ATAD2B: variants seen among roughly 807,000 people sequenced by gnomAD.
ATAD2B encodes ATPase family AAA domain containing 2B.
ATAD2B carries 40 observed loss-of-function variants against 167.6 expected under a neutral mutation model. That is an observed-to-expected ratio of 0.24 (90% CI 0.19 to 0.31). The LOEUF (loss-of-function observed/expected upper bound fraction) is 0.31. Among genes scored for constraint, ATAD2B ranks in the 10% least tolerant of loss-of-function variants. The pLI, the probability that ATAD2B is intolerant of heterozygous loss-of-function variation, is 1.00. For synonymous variants in ATAD2B, 579 were observed against 596.5 expected (o/e 0.97, Z 0.43); for missense variants, 1,242 against 1,757.2 (o/e 0.71, Z 5.24).
intron 27 of ATAD2B, 91 bp downstream of exon 27, chr2:23,754,088 T>G (rs559387928): frequency 1.9e-6 from 2 of 1,054,726 alleles, no homozygotes; most frequent in African/African-American, 1.7e-5. Context: ...GTAAAAGACA[T>G]AGATGTAGGC....
chr2:23,910,577 G>A (rs1015448784), intron 1 of ATAD2B, among the ~76,000 whole-genome samples: 8 of 151,826 alleles, frequency 5.3e-5, no homozygotes, highest in Non-Finnish European at 1.0e-4. Context: ...TTTTAAAAGA[G>A]ATGGTGTCAG....
At chr2:23,850,903 C>T (rs1692465813) in intron 13 of ATAD2B, among the ~76,000 whole-genome samples, 1 of 152,118 alleles carries the variant, frequency 6.6e-6, no homozygotes, top group African/African-American at 2.4e-5. Context: ...AGAGGTGGAA[C>T]CTTTGGGAGG....
intron 13 of ATAD2B, 129 bp from the exon 14 acceptor site, chr2:23,834,207 G>C: frequency 5.1e-6 from 3 of 584,390 alleles, no homozygotes; most frequent in Non-Finnish European, 7.8e-6. Flanking sequence ...CGTTGCCCAG[G>C]CTGGAGGGCA....
chr2:23,810,281 A>T, intron 18 of ATAD2B, 35 bp downstream of exon 18: 2 of 1,552,634 alleles, frequency 1.3e-6, no homozygotes, highest in Non-Finnish European at 8.8e-7. Flanking sequence ...AAGCAATAAG[A>T]AAGTTGGAAG....
intron 12 of ATAD2B, among the ~76,000 whole-genome samples, chr2:23,862,491 G>T (rs181399910): frequency 1.4e-5 from 2 of 143,264 alleles, no homozygotes; most frequent in East Asian, 4.2e-4. Flanking sequence ...GCTCACTGCA[G>T]CCTTGAACTC....
chr2:23,728,055 C>T, the ATAD2B span, among the ~76,000 whole-genome samples: 2 of 152,000 alleles, frequency 1.3e-5, no homozygotes, highest in South Asian at 4.2e-4. Flanking sequence ...AAACTGTGGG[C>T]CTTAGTTAAT....
the ATAD2B span, among the ~76,000 whole-genome samples, chr2:23,735,112 A>G: frequency 6.6e-6 from 1 of 152,198 alleles, no homozygotes; most frequent in Admixed American, 6.5e-5. Flanking sequence ...TAAAGTACAA[A>G]TATCTTTACA....
chr2:23,716,438 ATTGTTGTTG>A, the ATAD2B span, among the ~76,000 whole-genome samples: 14 of 150,194 alleles, frequency 9.3e-5, no homozygotes, highest in Non-Finnish European at 1.5e-4. Context: ...GGGACCTTTC[ATTGTTGTTG>A]TTGTTGTTGT....
chr2:23,883,012 G>A (rs1189633335), intron 6 of ATAD2B, among the ~76,000 whole-genome samples: 8 of 152,058 alleles, frequency 5.3e-5, no homozygotes, highest in South Asian at 2.1e-4. Flanking sequence ...GGTGGCTTAC[G>A]CCTATAAACC....
chr2:23,821,783 G>C (rs954135942), intron 16 of ATAD2B, among the ~76,000 whole-genome samples: 3 of 152,014 alleles, frequency 2.0e-5, no homozygotes, highest in Admixed American at 6.6e-5. Flanking sequence ...TGTTTTTCCT[G>C]TAAATGAGTG....
chr2:23,682,939 A>AC, the ATAD2B span, among the ~76,000 whole-genome samples: 1 of 152,106 alleles, frequency 6.6e-6, no homozygotes, highest in African/African-American at 2.4e-5. The surrounding 1 kb of genome is among the most constrained non-coding windows in gnomAD (Gnocchi z 4.1). Context: ...CGATCCCTGA[A>AC]CATGCATGTG....
At chr2:23,823,221 T>C (rs1336757990) in intron 16 of ATAD2B, 37 bp downstream of exon 16, 5 of 1,452,406 alleles carry the variant, frequency 3.4e-6, no homozygotes, top group African/African-American at 2.8e-5. Flanking sequence ...CCTGTATTTG[T>C]TTCATCTTAA....
At chr2:23,721,370 C>T in the ATAD2B span, among the ~76,000 whole-genome samples, 4 of 151,996 alleles carry the variant, frequency 2.6e-5, no homozygotes, top group Non-Finnish European at 5.9e-5. Flanking sequence ...TGTGCCCATA[C>T]CCGGGACTGA....
the ATAD2B span, among the ~76,000 whole-genome samples, chr2:23,721,577 C>G: frequency 6.6e-6 from 1 of 152,200 alleles, no homozygotes; most frequent in South Asian, 2.1e-4. Flanking sequence ...GACATACCCC[C>G]AGGCCAGCCA....
At chr2:23,814,142 A>G (rs896804780) in intron 17 of ATAD2B, among the ~76,000 whole-genome samples, 4 of 152,188 alleles carry the variant, frequency 2.6e-5, no homozygotes, top group Non-Finnish European at 5.9e-5. Flanking sequence ...AATTTGTCAT[A>G]AACAGGAATG....
intron 16 of ATAD2B, among the ~76,000 whole-genome samples, chr2:23,820,820 C>T (rs1002416566): frequency 1.3e-5 from 2 of 151,994 alleles, no homozygotes; most frequent in African/African-American, 4.8e-5. Flanking sequence ...TGGTGGCAGG[C>T]GCCTCGTAGT....
the ATAD2B span, among the ~76,000 whole-genome samples, chr2:23,742,895 A>G: frequency 6.6e-6 from 1 of 152,188 alleles, no homozygotes; most frequent in African/African-American, 2.4e-5. Context: ...CTAAAAGGAC[A>G]TGATTTTCCA....
At chr2:23,807,365 T>G (rs1478996077) in intron 18 of ATAD2B, among the ~76,000 whole-genome samples, 1 of 152,202 alleles carries the variant, frequency 6.6e-6, no homozygotes, top group Admixed American at 6.5e-5. Flanking sequence ...TCAAATACAT[T>G]TGAAATTTAT....
At chr2:23,842,559 C>A (rs184261299) in intron 13 of ATAD2B, among the ~76,000 whole-genome samples, 3 of 152,184 alleles carry the variant, frequency 2.0e-5, no homozygotes, top group Admixed American at 6.5e-5. Context: ...AGCTTTTAGT[C>A]TGGGACTAAC....
Sources: gnomAD v4.1 joint callset for allele counts (sites outside exome capture counted in the v4.1 genomes callset) on GRCh38, gnomAD v4.1.1 for gene constraint, Gnocchi (gnomAD v3.1) non-coding constraint, MANE v1.5 for transcripts, NCBI Gene and HGNC (gene_info 2026-07-23, HGNC 2026-07-21) for gene names.